The following SGCZ variants were observed in gnomAD, a reference collection of about 807,000 sequenced individuals.
SGCZ encodes sarcoglycan zeta.
Under a neutral mutation model 41.3 loss-of-function variants are expected in SGCZ, and 40 were observed. The ratio of observed to expected loss-of-function variants is 0.97; its 90% CI spans 0.75 to 1.26. The LOEUF is 1.26. Ranked by LOEUF, SGCZ falls within the 50% of genes most tolerant of loss-of-function variation. The probability of loss-of-function intolerance (pLI) is 0.00; values close to 1 mark genes in which losing one functional copy is unlikely to be tolerated. For missense variants in SGCZ, 552 were observed against 369.8 expected (o/e 1.49, Z -4.04); for synonymous variants, 206 against 137.5 (o/e 1.50, Z -3.49).
chr8:14,715,342 A>G (rs1809653605), intron 1 of SGCZ, among the ~76,000 whole-genome samples: 1 of 152,168 alleles, frequency 6.6e-6, no homozygotes, highest in South Asian at 2.1e-4. Flanking sequence ...TGCACAGATA[A>G]GCTGATGAAA....
chr8:14,416,231 G>A (rs1207796727), intron 2 of SGCZ, among the ~76,000 whole-genome samples: 2 of 151,800 alleles, frequency 1.3e-5, no homozygotes, highest in East Asian at 1.9e-4. Context: ...CCTCCTTTAA[G>A]GCAGACATTT....
chr8:14,349,230 G>T (rs947341074), intron 2 of SGCZ, among the ~76,000 whole-genome samples: 1 of 152,052 alleles, frequency 6.6e-6, no homozygotes, highest in Non-Finnish European at 1.5e-5. Flanking sequence ...CGGTTGCCTG[G>T]AACTATCTTT....
intron 2 of SGCZ, among the ~76,000 whole-genome samples, chr8:14,431,105 CCTCA>C (rs1437823056): frequency 2.6e-5 from 4 of 152,048 alleles, no homozygotes; most frequent in South Asian, 4.1e-4. Context: ...GTGAAAATGA[CCTCA>C]CTATCAAAAG....
At chr8:14,395,331 C>T (rs910447802) in intron 2 of SGCZ, among the ~76,000 whole-genome samples, 1 of 152,042 alleles carries the variant, frequency 6.6e-6, no homozygotes, top group African/African-American at 2.4e-5. Context: ...GATTCTGAAA[C>T]AGAATAGAAT....
intron 3 of SGCZ, among the ~76,000 whole-genome samples, chr8:14,240,111 G>A (rs1798817145): frequency 6.6e-6 from 1 of 151,690 alleles, no homozygotes; most frequent in South Asian, 2.1e-4. Flanking sequence ...AGGATCACCT[G>A]AGGCCAGGAG....
chr8:14,537,721 C>T (rs980942336), intron 2 of SGCZ, among the ~76,000 whole-genome samples: 5 of 151,828 alleles, frequency 3.3e-5, no homozygotes, highest in Non-Finnish European at 5.9e-5. Flanking sequence ...TCAACTGTGT[C>T]ATTGAATGTT....
chr8:14,329,062 G>A (rs932452317), intron 2 of SGCZ, among the ~76,000 whole-genome samples: 3 of 151,100 alleles, frequency 2.0e-5, no homozygotes, highest in Admixed American at 6.6e-5. Flanking sequence ...TATTTTCTGC[G>A]TTTTTTTTTC....
At chr8:14,821,133 G>A (rs1426613516) in intron 1 of SGCZ, among the ~76,000 whole-genome samples, 1 of 151,834 alleles carries the variant, frequency 6.6e-6, no homozygotes. Context: ...AAAAAGAAAT[G>A]TTAAAACTGA....
intron 2 of SGCZ, among the ~76,000 whole-genome samples, chr8:14,435,063 T>C (rs1032549882): frequency 5.3e-5 from 8 of 152,174 alleles, no homozygotes; most frequent in Non-Finnish European, 1.2e-4. Context: ...TAGAATGATG[T>C]ATTTTGCCCT....
chr8:14,585,771 G>C (rs1315142975), intron 1 of SGCZ, among the ~76,000 whole-genome samples: 35 of 152,028 alleles, frequency 2.3e-4, no homozygotes, highest in Non-Finnish European at 1.5e-5. Flanking sequence ...CCACAAAAGA[G>C]GTAAGATGAT....
chr8:15,226,882 G>C (rs915982248), intron 1 of SGCZ, among the ~76,000 whole-genome samples: 15 of 152,188 alleles, frequency 9.9e-5, no homozygotes, highest in Admixed American at 9.8e-4. Flanking sequence ...TGGATGTACG[G>C]AATGATGACA....
At chr8:14,975,103 G>C (rs1801421617) in intron 1 of SGCZ, among the ~76,000 whole-genome samples, 1 of 152,016 alleles carries the variant, frequency 6.6e-6, no homozygotes, top group Non-Finnish European at 1.5e-5. Context: ...TCAGGAGATG[G>C]AGACCATCCT....
At chr8:14,554,444 T>G (rs1803967947) in intron 2 of SGCZ, among the ~76,000 whole-genome samples, 1 of 152,076 alleles carries the variant, frequency 6.6e-6, no homozygotes, top group Non-Finnish European at 1.5e-5. Context: ...TAAGTAATAG[T>G]TCATACTTAC....
At chr8:14,690,741 C>T (rs529598475) in intron 1 of SGCZ, 1 of 152,168 alleles carries the variant, frequency 6.6e-6, no homozygotes, top group African/African-American at 2.4e-5. Flanking sequence ...CAGAATATGG[C>T]TCTAGGTAAA....
chr8:15,050,215 C>T (rs1377490005), intron 1 of SGCZ, among the ~76,000 whole-genome samples: 1 of 152,036 alleles, frequency 6.6e-6, no homozygotes, highest in Non-Finnish European at 1.5e-5. Flanking sequence ...TTGATGGTAC[C>T]ATATGTAGGC....
At chr8:15,092,478 T>A (rs1806190351) in intron 1 of SGCZ, among the ~76,000 whole-genome samples, 1 of 152,214 alleles carries the variant, frequency 6.6e-6, no homozygotes, top group African/African-American at 2.4e-5. Context: ...CTAGCTAGCC[T>A]GAGTATTAAA....
At chr8:15,080,050 T>A (rs1034784246) in intron 1 of SGCZ, among the ~76,000 whole-genome samples, 9 of 152,152 alleles carry the variant, frequency 5.9e-5, no homozygotes, top group Non-Finnish European at 1.0e-4. Flanking sequence ...ATTTTTTTTA[T>A]CTTCTGTTTT....
intron 3 of SGCZ, among the ~76,000 whole-genome samples, chr8:14,244,816 G>A (rs960695570): frequency 6.6e-6 from 1 of 152,128 alleles, no homozygotes; most frequent in Non-Finnish European, 1.5e-5. Context: ...CAAGTCCCAT[G>A]TAAGTTGGAT....
intron 4 of SGCZ, among the ~76,000 whole-genome samples, chr8:14,221,454 C>T: frequency 6.6e-6 from 1 of 152,144 alleles, no homozygotes; most frequent in Non-Finnish European, 1.5e-5. Flanking sequence ...TATGGTGGCA[C>T]CCATAAATAT....
Sources: allele counts gnomAD v4.1 joint callset (sites outside exome capture counted in the v4.1 genomes callset), GRCh38; gene constraint gnomAD v4.1.1; transcripts MANE v1.5; gene names NCBI Gene and HGNC (gene_info 2026-07-23, HGNC 2026-07-21).